Variants in PRICKLE2 observed in about 807,000 individuals in gnomAD.
PRICKLE2 encodes prickle-like protein 2.
In PRICKLE2, 21 loss-of-function variants were observed where a neutral mutation model predicts 81.4. The ratio of observed to expected loss-of-function variants is 0.26; its 90% CI spans 0.18 to 0.37. The LOEUF (loss-of-function observed/expected upper bound fraction) is 0.37, where lower values mean the gene tolerates loss of function less well. Among genes scored for constraint, PRICKLE2 ranks in the 10% least tolerant of loss-of-function variants. The pLI, the probability that PRICKLE2 is intolerant of heterozygous loss-of-function variation, is 1.00. For synonymous variants in PRICKLE2, 456 were observed against 421.5 expected (o/e 1.08, Z -1.00); for missense variants, 940 against 1,109.0 (o/e 0.85, Z 2.16).
upstream of PRICKLE2, among the ~76,000 whole-genome samples, chr3:64,229,757 T>G (rs1299362576): frequency 6.6e-6 from 1 of 152,254 alleles, no homozygotes; most frequent in Non-Finnish European, 1.5e-5. Context: ...CATTTCTGTG[T>G]GTGCGTGCTT....
chr3:64,260,661 C>T (rs2079603593), intron 2 of PRICKLE2, among the ~76,000 whole-genome samples: 1 of 152,210 alleles, frequency 6.6e-6, no homozygotes, highest in African/African-American at 2.4e-5. Flanking sequence ...CTCTTCCCTG[C>T]CAATATCTGT....
chr3:64,148,368 T>C (rs1268557804), intron 6 of PRICKLE2, among the ~76,000 whole-genome samples: 1 of 152,234 alleles, frequency 6.6e-6, no homozygotes, highest in Non-Finnish European at 1.5e-5. Flanking sequence ...TACAACAGTA[T>C]ATACATGCAT....
intron 3 of PRICKLE2, among the ~76,000 whole-genome samples, chr3:64,160,363 C>G (rs1161344906): frequency 6.6e-6 from 1 of 152,216 alleles, no homozygotes; most frequent in Non-Finnish European, 1.5e-5. Flanking sequence ...CTGCCTCACT[C>G]TGCTCACCAT....
intron 1 of PRICKLE2, among the ~76,000 whole-genome samples, chr3:64,202,268 G>A (rs1386604337): frequency 5.9e-5 from 9 of 152,026 alleles, no homozygotes; most frequent in Non-Finnish European, 7.4e-5. Context: ...GGATTAGTTT[G>A]TCAATTTGTG....
intron 1 of PRICKLE2, 183 bp from the exon 2 acceptor site, chr3:64,199,150 G>T: frequency 1.6e-6 from 1 of 642,034 alleles, no homozygotes; most frequent in Non-Finnish European, 2.7e-6. Context: ...CGTGGTACAC[G>T]CATGTGAAAA....
At position 64,257,933 on chromosome 3, in the gene PRICKLE2, G is replaced by A. The variant is rs2079552568; in HGVS notation, c.129-58966C>T. Among the ~76,000 whole-genome samples the A allele has an allele frequency of 2.6e-5, 4 of 152,102 alleles. No individual in the cohort carries two copies. In the South Asian group the frequency reaches 8.3e-4, roughly 32 times the overall value. On this transcript the variant is annotated intron_variant, in intron 2 of 8. Transcript: ENST00000295902. Reference sequence around the variant, plus strand: ...GCTCTTATAAAAGAGACCCCAAAGTGCTAGCTCTTCCCTTCCACTGTGTGA... The same window carrying A: ...GCTCTTATAAAAGAGACCCCAAAGTACTAGCTCTTCCCTTCCACTGTGTGA...
chr3:64,163,125 T>G lies in PRICKLE2; in HGVS notation c.149A>C (p.His50Pro), dbSNP rs1440253008. 6.3e-7 allele frequency: 1 copy of G among 1,587,426 alleles called. No homozygotes were observed. The highest frequency in any genetic ancestry group is 8.7e-7 in the Non-Finnish European group (1 of 1,155,664). Reference sequence around the variant, plus strand: ...TTCTGGGAGACAGCTATAGTACTGGTGTACCTGAAGGACAGAAAGCATATA... The same window carrying G: ...TTCTGGGAGACAGCTATAGTACTGGGGTACCTGAAGGACAGAAAGCATATA... Reference protein sequence around the residue: ...VPPGLKPEQVHQYYSCLPEEK... With the variant: ...VPPGLKPEQVPQYYSCLPEEK... Residue 50 changes from histidine to proline, a missense_variant, in exon 3 of 8, where the codon CAC becomes CCC. This residue lies in a region of PRICKLE2 where 270 missense variants were observed against 391.8 expected (regional missense o/e 0.69). Transcript: ENST00000638394.
intron 2 of PRICKLE2, among the ~76,000 whole-genome samples, chr3:64,173,308 G>A (rs1377517857): frequency 1.3e-5 from 2 of 152,146 alleles, no homozygotes; most frequent in African/African-American, 2.4e-5. Context: ...GATGTCATCG[G>A]ATGTGGAACT....
intron 2 of PRICKLE2, among the ~76,000 whole-genome samples, chr3:64,189,212 T>G (rs1295571440): frequency 6.6e-6 from 1 of 152,042 alleles, no homozygotes; most frequent in African/African-American, 2.4e-5. Flanking sequence ...TGAGAAGAGA[T>G]AAGGATAAAC....
chr3:64,163,193 ACTG>A, intron 2 of PRICKLE2, 64 bp from the exon 3 acceptor site: 1 of 964,466 alleles, frequency 1.0e-6, no homozygotes, highest in Non-Finnish European at 1.7e-6. Context: ...ATTCCCACTT[ACTG>A]GGAAGATGAT....
At chr3:64,173,918 A>G (rs1161149116) in intron 2 of PRICKLE2, among the ~76,000 whole-genome samples, 1 of 152,232 alleles carries the variant, frequency 6.6e-6, no homozygotes, top group Admixed American at 6.5e-5. Context: ...ACTCCCAGGA[A>G]TAATAAGAAC....
At chr3:64,209,271 T>C (rs1040656450) in intron 1 of PRICKLE2, among the ~76,000 whole-genome samples, 1 of 152,102 alleles carries the variant, frequency 6.6e-6, no homozygotes, top group Non-Finnish European at 1.5e-5. Flanking sequence ...CAGCCATATC[T>C]ATCCACCTAT....
intron 7 of PRICKLE2, among the ~76,000 whole-genome samples, chr3:64,109,479 G>A (rs2076809086): frequency 6.6e-6 from 1 of 152,048 alleles, no homozygotes; most frequent in Admixed American, 6.5e-5. Flanking sequence ...TTACACATCT[G>A]TCATCTGCTC....
intron 7 of PRICKLE2, among the ~76,000 whole-genome samples, chr3:64,139,239 C>A (rs2077323207): frequency 6.6e-6 from 1 of 152,212 alleles, no homozygotes; most frequent in South Asian, 2.1e-4. Flanking sequence ...AGGTAGGAAG[C>A]CCTTTCAGAT....
At chr3:64,113,037 G>A (rs1316320431) in intron 7 of PRICKLE2, among the ~76,000 whole-genome samples, 1 of 152,176 alleles carries the variant, frequency 6.6e-6, no homozygotes, top group Non-Finnish European at 1.5e-5. Context: ...AACAGCTCAG[G>A]GGGAATGGGT....
intron 2 of PRICKLE2, among the ~76,000 whole-genome samples, chr3:64,189,334 C>T (rs2078291924): frequency 6.6e-6 from 1 of 152,170 alleles, no homozygotes; most frequent in African/African-American, 2.4e-5. Context: ...TAAGGTCAAC[C>T]TCAGATTAGG....
chr3:64,186,978 C>G (rs2078245554), intron 2 of PRICKLE2, among the ~76,000 whole-genome samples: 1 of 152,134 alleles, frequency 6.6e-6, no homozygotes, highest in African/African-American at 2.4e-5. Flanking sequence ...ACTTTAGGAC[C>G]CCAGAGTGAA....
chr3:64,181,032 T>A (rs2078122545), intron 2 of PRICKLE2, among the ~76,000 whole-genome samples: 1 of 152,160 alleles, frequency 6.6e-6, no homozygotes, highest in African/African-American at 2.4e-5. Flanking sequence ...GCAATCAGAA[T>A]CTATAACAAA....
intron 2 of PRICKLE2, among the ~76,000 whole-genome samples, chr3:64,261,456 C>T (rs1347070487): frequency 6.6e-6 from 1 of 151,986 alleles, no homozygotes; most frequent in Non-Finnish European, 1.5e-5. Context: ...CAGGGACAGG[C>T]TTGTCATATT....
Sources: allele counts gnomAD v4.1 joint callset (sites outside exome capture counted in the v4.1 genomes callset), GRCh38; gene constraint gnomAD v4.1.1; regional missense constraint gnomAD v4.1.1; transcripts MANE v1.5; gene names NCBI Gene and HGNC (gene_info 2026-07-23, HGNC 2026-07-21).